Variants in SGCZ observed in about 807,000 individuals in gnomAD.
SGCZ encodes the protein sarcoglycan zeta, also known as zeta-sarcoglycan.
In SGCZ, 40 loss-of-function variants were observed where a neutral mutation model predicts 41.3. That is an observed-to-expected ratio of 0.97 (90% CI 0.75 to 1.26). The LOEUF is 1.26. SGCZ is among the 50% of genes most tolerant of loss of function. The pLI is 0.00. For missense variants in SGCZ, 552 were observed against 369.8 expected (o/e 1.49, Z -4.04); for synonymous variants, 206 against 137.5 (o/e 1.50, Z -3.49).
At chr8:14,524,922 T>C (rs1802894404) in intron 2 of SGCZ, among the ~76,000 whole-genome samples, 1 of 152,096 alleles carries the variant, frequency 6.6e-6, no homozygotes, top group African/African-American at 2.4e-5. Flanking sequence ...AAATTCTGGG[T>C]CCACTGTCAA....
intron 1 of SGCZ, among the ~76,000 whole-genome samples, chr8:15,138,936 C>A (rs149068776): frequency 2.0e-5 from 3 of 152,042 alleles, no homozygotes; most frequent in African/African-American, 7.2e-5. Flanking sequence ...GAAATGCCAA[C>A]GAGAAAAATC....
At chr8:14,810,951 A>G (rs1399925866) in intron 1 of SGCZ, among the ~76,000 whole-genome samples, 1 of 152,056 alleles carries the variant, frequency 6.6e-6, no homozygotes, top group Non-Finnish European at 1.5e-5. Flanking sequence ...ACAATTTTAA[A>G]AGGATGTCAG....
At chr8:14,574,570 A>G (rs904486349) in intron 1 of SGCZ, among the ~76,000 whole-genome samples, 3 of 152,214 alleles carry the variant, frequency 2.0e-5, no homozygotes, top group African/African-American at 7.2e-5. Context: ...TGTTGCCATC[A>G]GCTCAAACCC....
At chr8:14,702,925 G>GA (rs1809209510) in intron 1 of SGCZ, among the ~76,000 whole-genome samples, 2 of 125,872 alleles carry the variant, frequency 1.6e-5, no homozygotes, top group African/African-American at 5.9e-5. Context: ...AGTTAGGTAG[G>GA]TAGATAGATA....
At chr8:14,808,901 T>C (rs973821483) in intron 1 of SGCZ, among the ~76,000 whole-genome samples, 1 of 151,456 alleles carries the variant, frequency 6.6e-6, no homozygotes, top group African/African-American at 2.4e-5. Context: ...TATGCAGCCA[T>C]AAAAAATGAT....
At chr8:14,581,607 G>A (rs1804891528) in intron 1 of SGCZ, among the ~76,000 whole-genome samples, 1 of 152,036 alleles carries the variant, frequency 6.6e-6, no homozygotes, top group Admixed American at 6.5e-5. Context: ...AGGCAAAACA[G>A]AATCACCTGT....
At chr8:15,213,211 G>C (rs557511066) in intron 1 of SGCZ, among the ~76,000 whole-genome samples, 25 of 152,000 alleles carry the variant, frequency 1.6e-4, no homozygotes, top group Middle Eastern at 3.5e-3. Flanking sequence ...AAGTCTAGTA[G>C]TTCTTAAGGT....
At chr8:14,435,171 C>T (rs994064367) in intron 2 of SGCZ, among the ~76,000 whole-genome samples, 5 of 152,070 alleles carry the variant, frequency 3.3e-5, no homozygotes, top group Non-Finnish European at 7.4e-5. Context: ...GCAATCACCA[C>T]CGATATGGAT....
At chr8:15,036,161 C>T (rs1803866171) in intron 1 of SGCZ, among the ~76,000 whole-genome samples, 1 of 151,806 alleles carries the variant, frequency 6.6e-6, no homozygotes, top group Non-Finnish European at 1.5e-5. Context: ...TACACTAATA[C>T]TACAGAAATA....
At chr8:15,039,388 G>T (rs139483794) in intron 1 of SGCZ, among the ~76,000 whole-genome samples, 1 of 152,132 alleles carries the variant, frequency 6.6e-6, no homozygotes, top group South Asian at 2.1e-4. Context: ...GACAAATACC[G>T]CATGATATTA....
intron 1 of SGCZ, among the ~76,000 whole-genome samples, chr8:15,097,634 T>C (rs1230781082): frequency 6.6e-6 from 1 of 151,128 alleles, no homozygotes; most frequent in Non-Finnish European, 1.5e-5. Context: ...TGACTGCCTG[T>C]AGTACCAGCT....
chr8:14,829,812 T>C (rs1369143095), intron 1 of SGCZ, among the ~76,000 whole-genome samples: 1 of 152,140 alleles, frequency 6.6e-6, no homozygotes, highest in East Asian at 1.9e-4. Context: ...TGTTTTGTTT[T>C]GTTTTGTTTT....
intron 3 of SGCZ, among the ~76,000 whole-genome samples, chr8:14,241,653 C>A (rs145504654): frequency 6.6e-6 from 1 of 151,784 alleles, no homozygotes; most frequent in South Asian, 2.1e-4. Flanking sequence ...CCGAAGCTGA[C>A]CCGAACTTGC....
At chr8:14,219,010 G>C (rs1221286906) in intron 4 of SGCZ, among the ~76,000 whole-genome samples, 1 of 152,208 alleles carries the variant, frequency 6.6e-6, no homozygotes, top group Non-Finnish European at 1.5e-5. Flanking sequence ...AACCAAACTG[G>C]AGAGGTGAAA....
In SGCZ at chr8:14,640,353, A is replaced by G. The variant is rs568069555; in HGVS notation, c.40-85427T>C. 2.0e-5 allele frequency among the ~76,000 whole-genome samples: 3 copies of G among 151,816 alleles called. No homozygotes were observed. The East Asian group carries it at 5.8e-4, about 30-fold the overall frequency. The stretch of plus-strand genomic sequence containing the variant: ...GTCAATCACTTTTAGCACTTTGAAG[A>G]TATCGTTATCCTGTCTTCTAGTTCC... On this transcript the variant is annotated intron_variant, in intron 1 of 7. Coordinates refer to ENST00000382080, the MANE Select transcript of SGCZ (RefSeq NM_139167.4).
intron 1 of SGCZ, among the ~76,000 whole-genome samples, chr8:15,143,244 T>G (rs1456578092): frequency 6.6e-6 from 1 of 152,204 alleles, no homozygotes; most frequent in South Asian, 2.1e-4. Context: ...GTAGAATGAG[T>G]GTTCCACCAT....
At chr8:14,222,008 T>C (rs1021526359) in intron 4 of SGCZ, among the ~76,000 whole-genome samples, 3 of 151,352 alleles carry the variant, frequency 2.0e-5, no homozygotes, top group African/African-American at 7.3e-5. Flanking sequence ...CAGGAGAGAT[T>C]GGAATAAATG....
Position 15,237,893 on chromosome 8 carries a change from C to A in SGCZ, c.-270G>T. 1 of 384,840 alleles carries A rather than the reference C, an allele frequency of 2.6e-6. No individual in the cohort carries two copies. The highest frequency in any genetic ancestry group is 4.7e-6 in the Non-Finnish European group (1 of 214,412). The allele number at this position is 384,840 out of a possible 1,614,324, so 23.8% of individuals were successfully genotyped here. On this transcript the variant is annotated 5_prime_UTR_variant, in exon 1 of 8. Coordinates refer to ENST00000382080, the MANE Select transcript of SGCZ (RefSeq NM_139167.4). ...TGCAACACAGCTGAGTCGATTGAAA[C>A]AGGGGCCAAAAGAAAAAAGGAAAAA...
intron 1 of SGCZ, among the ~76,000 whole-genome samples, chr8:14,730,431 G>A (rs1191872703): frequency 1.3e-5 from 2 of 151,044 alleles, no homozygotes; most frequent in African/African-American, 2.5e-5. Flanking sequence ...AGTGCAACCT[G>A]CTCTTGTATG....
Sources: gnomAD v4.1 joint callset for allele counts (sites outside exome capture counted in the v4.1 genomes callset) on GRCh38, gnomAD v4.1.1 for gene constraint, MANE v1.5 for transcripts, NCBI Gene and HGNC (gene_info 2026-07-23, HGNC 2026-07-21) for gene names.